The following NRG2 variants were observed in gnomAD, a reference collection of about 807,000 sequenced individuals.
The protein encoded by NRG2 is pro-neuregulin-2, membrane-bound isoform.
Under a neutral mutation model 73.9 loss-of-function variants are expected in NRG2, and 27 were observed. That is an observed-to-expected ratio of 0.37 (90% CI 0.27 to 0.50). NRG2 has a LOEUF of 0.50. NRG2 is among the 20% of genes least tolerant of loss of function. The pLI is 0.96. For missense variants in NRG2, 1,126 were observed against 1,210.1 expected, an observed-to-expected ratio of 0.93 and a Z score of 1.03; for synonymous variants, 532 against 541.0, an observed-to-expected ratio of 0.98 and a Z score of 0.23.
chr5:139,989,588 C>A (rs1580887371), intron 1 of NRG2, among the ~76,000 whole-genome samples: 1 of 151,732 alleles, frequency 6.6e-6, no homozygotes, highest in African/African-American at 2.4e-5. Context: ...AAAAAATATC[C>A]CGTGGCACGC....
chr5:140,017,868 G>A (rs1042829056), intron 1 of NRG2, among the ~76,000 whole-genome samples: 1 of 152,152 alleles, frequency 6.6e-6, no homozygotes, highest in Admixed American at 6.6e-5. Flanking sequence ...GTGCAGTAGA[G>A]AGAAGGAAAA....
At position 139,870,360 on chromosome 5, in the gene NRG2, G is replaced by T. The variant is rs1352449016; in HGVS notation, c.1112+1361C>A. Among the ~76,000 whole-genome samples, 1 of 152,164 alleles carries T rather than the reference G, an allele frequency of 6.6e-6. No homozygotes were observed. Among genetic ancestry groups the T allele is most frequent in the East Asian group, 1.9e-4 (1 of 5,178 alleles). On this transcript the variant is annotated intron_variant, in intron 4 of 9. Transcript: ENST00000361474. The surrounding 1 kb of genome is among the most constrained non-coding windows in gnomAD (Gnocchi z 4.4). Reference sequence around the variant, plus strand: ...GAGAAGGAGGTGGCAGCAGGGGCAGGGTGGGGCCAGGGAGGAAGCCAGCTG... The same window carrying T: ...GAGAAGGAGGTGGCAGCAGGGGCAGTGTGGGGCCAGGGAGGAAGCCAGCTG...
intron 1 of NRG2, among the ~76,000 whole-genome samples, chr5:140,028,629 C>T (rs911090958): frequency 6.6e-6 from 1 of 151,984 alleles, no homozygotes; most frequent in Non-Finnish European, 1.5e-5. Context: ...GGCCAGGGGG[C>T]CAGGGGGAGG....
chr5:139,984,471 G>C (rs180863290), intron 1 of NRG2, among the ~76,000 whole-genome samples: 1 of 152,114 alleles, frequency 6.6e-6, no homozygotes, highest in Admixed American at 6.5e-5. Flanking sequence ...GAAAATTTCC[G>C]AGACTTTATT....
intron 1 of NRG2, among the ~76,000 whole-genome samples, chr5:139,991,002 G>T (rs961287879): frequency 6.6e-6 from 1 of 152,000 alleles, no homozygotes; most frequent in African/African-American, 2.4e-5. Context: ...TCAGCAGGGC[G>T]CGGTGGCTCA....
rs192377622 is a variant in NRG2, at chr5:140,004,678, A to T, written c.700+37692T>A. ...TCAAGATCATGGAAGGCAGGGAAAG[A>T]CTGAAAAATTATTACAAATTAGAAG... On this transcript the variant is annotated intron_variant, in intron 1 of 9. Coordinates refer to ENST00000361474, the MANE Select transcript of NRG2 (RefSeq NM_004883.3). Among the ~76,000 whole-genome samples, 12 of 152,354 alleles carry T rather than the reference A, an allele frequency of 7.9e-5. No homozygotes were observed. In the East Asian group the frequency reaches 2.3e-3, roughly 29 times the overall value.
chr5:139,938,201 A>G (rs1752990533), intron 1 of NRG2, among the ~76,000 whole-genome samples: 1 of 152,264 alleles, frequency 6.6e-6, no homozygotes, highest in Non-Finnish European at 1.5e-5. Flanking sequence ...CTCTAAATTC[A>G]TCTGTGGGTT....
chr5:139,880,961 G>C lies in NRG2; in HGVS notation c.886C>G (p.Leu296Val), dbSNP rs1221578734. The change falls in exon 3 of 10, where the codon CTA (leucine) becomes GTA (valine). Residue 296 changes from leucine to valine, a missense_variant. By Grantham distance (32) the Leu-to-Val change is conservative (BLOSUM62 1). This residue lies in a region of NRG2 where 539 missense variants were observed against 703.2 expected (regional missense o/e 0.77). Transcript: ENST00000361474. ...TCCACCTTCACCTTGTTGAACTGTAGTCGTGAGTTCTTTCTGGTTAGGGAG... is the reference window on the plus strand; with the variant it reads ...TCCACCTTCACCTTGTTGAACTGTACTCGTGAGTTCTTTCTGGTTAGGGAG... ...KYGNGRKNSR[L>V]QFNKVKVEDA... 1.8e-5 allele frequency: 29 copies of C among 1,613,906 alleles called. No homozygotes were observed. Among genetic ancestry groups the C allele is most frequent in the Non-Finnish European group, 2.5e-5 (29 of 1,179,874 alleles).
intron 1 of NRG2, among the ~76,000 whole-genome samples, chr5:139,924,020 G>T (rs1042824458): frequency 1.4e-4 from 22 of 152,206 alleles, no homozygotes; most frequent in African/African-American, 4.8e-4. Context: ...TCCAGCTTCA[G>T]GATGGCAAGA....
At chr5:140,014,236 T>TC (rs1006571716) in intron 1 of NRG2, among the ~76,000 whole-genome samples, 20 of 151,210 alleles carry the variant, frequency 1.3e-4, no homozygotes, top group African/African-American at 4.9e-4. Context: ...AAGCTTGGAT[T>TC]TTTTTTTCCT....
intron 1 of NRG2, among the ~76,000 whole-genome samples, chr5:139,952,604 T>C (rs1754296334): frequency 6.6e-6 from 1 of 152,162 alleles, no homozygotes; most frequent in Non-Finnish European, 1.5e-5. Flanking sequence ...GCAGGGAACC[T>C]GATATTTACA....
chr5:140,031,464 C>T (rs1192815418), intron 1 of NRG2, among the ~76,000 whole-genome samples: 1 of 152,162 alleles, frequency 6.6e-6, no homozygotes, highest in East Asian at 1.9e-4. Flanking sequence ...GTCTGAGACT[C>T]CTTTCTTTCT....
intron 1 of NRG2, among the ~76,000 whole-genome samples, chr5:140,020,659 T>A (rs1164840530): frequency 1.3e-5 from 2 of 152,158 alleles, no homozygotes; most frequent in African/African-American, 4.8e-5. Flanking sequence ...ACAGACTGAG[T>A]CTTACACTTA....
At position 139,848,634 on chromosome 5, in the gene NRG2, G is replaced by T; in HGVS notation, c.1836C>A (p.Ala612=). The T allele has an allele frequency of 6.3e-7, 1 of 1,577,778 alleles. No individual in the cohort carries two copies. The highest frequency in any genetic ancestry group is 1.4e-5 in the African/African-American group (1 of 73,236). ...TGATCTCGAAAGTTGGCACCTGCGTGGCCAGCGAGTAGTGGAAGTCCACGG... is the reference window on the plus strand; with the variant it reads ...TGATCTCGAAAGTTGGCACCTGCGTTGCCAGCGAGTAGTGGAAGTCCACGG... ...LSPVDFHYSL[A]TQVPTFEITS... is the part of the protein sequence containing the mutation. Residue 612 remains alanine, a synonymous_variant, in exon 10 of 10, where the codon GCC becomes GCA. Coordinates refer to ENST00000361474, the MANE Select transcript of NRG2 (RefSeq NM_004883.3).
At chr5:139,889,203 C>G (rs1764059495) in intron 1 of NRG2, among the ~76,000 whole-genome samples, 1 of 151,970 alleles carries the variant, frequency 6.6e-6, no homozygotes, top group African/African-American at 2.4e-5. Context: ...GCCTTGAAAC[C>G]TTTTTTCTTG....
chr5:139,992,967 G>T (rs1475379459), intron 1 of NRG2, among the ~76,000 whole-genome samples: 1 of 151,854 alleles, frequency 6.6e-6, no homozygotes, highest in East Asian at 1.9e-4. Flanking sequence ...GATCTATATA[G>T]GTTGTTCCTC....
chr5:139,956,686 T>G (rs1362610330), intron 1 of NRG2, among the ~76,000 whole-genome samples: 2 of 152,152 alleles, frequency 1.3e-5, no homozygotes, highest in Non-Finnish European at 2.9e-5. Flanking sequence ...AGCCATTAGA[T>G]GGAAAGGCTA....
intron 1 of NRG2, among the ~76,000 whole-genome samples, chr5:140,004,322 AAAC>A (rs1758728094): frequency 6.6e-6 from 1 of 151,934 alleles, no homozygotes; most frequent in Admixed American, 6.5e-5. Context: ...CAAACACCAC[AAAC>A]AACTTTTGCA....
At chr5:139,871,888 T>A (rs1389494832) in intron 3 of NRG2, 47 bp from the exon 4 acceptor site, 15 of 1,595,570 alleles carry the variant, frequency 9.4e-6, no homozygotes, top group Non-Finnish European at 1.3e-5. Flanking sequence ...AGACTATCCC[T>A]AGGCCCCAGG....
Sources: allele counts gnomAD v4.1 joint callset (sites outside exome capture counted in the v4.1 genomes callset), GRCh38; gene constraint gnomAD v4.1.1; regional missense constraint gnomAD v4.1.1; non-coding constraint Gnocchi (gnomAD v3.1); transcripts MANE v1.5; gene names NCBI Gene and HGNC (gene_info 2026-07-23, HGNC 2026-07-21).